Variants in MTBP observed in about 807,000 individuals in gnomAD.
MTBP encodes the protein MDM2 binding protein, also known as mdm2-binding protein.
A neutral mutation model predicts 117.0 loss-of-function variants in MTBP; 101 were observed. The ratio of observed to expected loss-of-function variants is 0.86; its 90% CI spans 0.73 to 1.02. The LOEUF is 1.02. MTBP is among the 50% of genes least tolerant of loss of function. The pLI is 0.00. For missense variants in MTBP, 970 were observed against 1,030.9 expected (o/e 0.94, Z 0.81); for synonymous variants, 350 against 351.5 (o/e 1.00, Z 0.05).
At chr8:120,476,228 A>G (rs1220846225) in intron 11 of MTBP, among the ~76,000 whole-genome samples, 2 of 152,104 alleles carry the variant, frequency 1.3e-5, no homozygotes, top group Non-Finnish European at 2.9e-5. Context: ...AAAACTCTCA[A>G]TAAGCTAGGT....
chr8:120,475,723 T>C (rs1813919348), intron 11 of MTBP, among the ~76,000 whole-genome samples: 2 of 152,026 alleles, frequency 1.3e-5, no homozygotes, highest in East Asian at 1.9e-4. Flanking sequence ...TACAAAAAAA[T>C]GAAATTAAGT....
chr8:120,446,546 C>T (rs1383010175), intron 2 of MTBP, 33 bp downstream of exon 2: 3 of 1,238,594 alleles, frequency 2.4e-6, no homozygotes, highest in Admixed American at 1.7e-5. Context: ...TTCTCTGGCA[C>T]AGCATTTGTA....
chr8:120,509,377 G>A (rs370584261), intron 16 of MTBP, among the ~76,000 whole-genome samples: 46 of 152,208 alleles, frequency 3.0e-4, no homozygotes, highest in African/African-American at 1.0e-3. Context: ...TGAGGCCGGC[G>A]GATCACTTGA....
At chr8:120,461,283 A>C (rs2130529714) in intron 9 of MTBP, 28 bp downstream of exon 9, 1 of 1,446,814 alleles carries the variant, frequency 6.9e-7, no homozygotes, top group East Asian at 2.3e-5. Context: ...TGTTCATTTT[A>C]GATTACATTT....
rs576918486 is a variant in MTBP at position 120,490,376 on chromosome 8, T to A, written c.1340-87T>A. The A allele has an allele frequency of 2.3e-4, 178 of 759,738 alleles. 1 individual carries two copies. In the South Asian group the frequency reaches 2.9e-3, roughly 12 times the overall value. 47.1% of individuals were successfully genotyped at this position (759,738 alleles called of 1,614,324 possible). A position where few individuals can be genotyped will look rare whatever the true frequency, so the allele number is the denominator to read the frequency against. ...TGACTTTTATTTTTTGTTAAATCCT[T>A]GCTATAACACATTTCCCAGGAACTG... is the stretch of plus-strand genomic sequence containing the variant. On this transcript the variant is annotated intron_variant, in intron 12 of 21. Coordinates refer to ENST00000305949, the MANE Select transcript of MTBP (RefSeq NM_022045.5).
At chr8:120,471,182 A>G in intron 11 of MTBP, 1 of 326,562 alleles carries the variant, frequency 3.1e-6, no homozygotes, top group Non-Finnish European at 5.5e-6. Flanking sequence ...TAGATAGCTA[A>G]TTATACTGAA....
intron 10 of MTBP, among the ~76,000 whole-genome samples, chr8:120,465,786 A>G (rs1195313786): frequency 2.0e-5 from 3 of 149,996 alleles, no homozygotes; most frequent in African/African-American, 7.3e-5. Flanking sequence ...CAGCCTCCCA[A>G]GTAGCTGGGA....
At chr8:120,487,757 A>C (rs1219989396) in intron 11 of MTBP, among the ~76,000 whole-genome samples, 1 of 152,252 alleles carries the variant, frequency 6.6e-6, no homozygotes, top group Non-Finnish European at 1.5e-5. Flanking sequence ...CAAGAAGCGA[A>C]AAGCTTCCCA....
chr8:120,516,847 A>G (rs746729501), intron 18 of MTBP, among the ~76,000 whole-genome samples: 25 of 152,044 alleles, frequency 1.6e-4, no homozygotes, highest in Admixed American at 6.6e-5. Flanking sequence ...TGCAAAAAGT[A>G]TGAACTATAT....
chr8:120,447,924 C>T (rs920357337), intron 2 of MTBP, among the ~76,000 whole-genome samples: 6 of 113,870 alleles, frequency 5.3e-5, no homozygotes, highest in South Asian at 6.1e-4. Flanking sequence ...TTTTATTCTT[C>T]GATTTTTTTT....
At chr8:120,460,824 A>G (rs1253001804) in intron 8 of MTBP, among the ~76,000 whole-genome samples, 1 of 152,078 alleles carries the variant, frequency 6.6e-6, no homozygotes, top group Non-Finnish European at 1.5e-5. Flanking sequence ...TTTCTTCAAC[A>G]CTATAGCCTA....
Position 120,510,019 on chromosome 8 carries a change from CA to C in MTBP, c.1970del (p.His657LeufsTer46), listed in dbSNP as rs1814767570. The C allele has an allele frequency of 1.2e-6, 2 of 1,607,558 alleles. No individual in the cohort carries two copies. Among genetic ancestry groups the C allele is most frequent in the Non-Finnish European group, 1.7e-6 (2 of 1,175,340 alleles). On this transcript the variant is annotated frameshift_variant, in exon 17 of 22. Transcript: ENST00000305949. LOFTEE classifies it high-confidence loss of function. ...PFEKASVCHYHGIEYCLDDRK... is the reference protein window; with the variant it reads ...PFEKASVCHYXGIEYCLDDRK... ...TGAGAAAGCCTCAGTATGTCATTAT[CA>C]TGGAATTGAGTAAGTTTTTATTTGT...
At chr8:120,460,524 C>T (rs1459308623) in intron 8 of MTBP, among the ~76,000 whole-genome samples, 7 of 152,074 alleles carry the variant, frequency 4.6e-5, no homozygotes, top group Non-Finnish European at 5.9e-5. Flanking sequence ...TGTGAAGCAC[C>T]GTGGCTCCAA....
At chr8:120,484,905 G>A (rs4300045) in intron 11 of MTBP, among the ~76,000 whole-genome samples, 81,532 of 152,016 alleles carry the variant, frequency 0.54, 24,834 homozygotes, top group Non-Finnish European at 0.67. Flanking sequence ...TAATCATATA[G>A]TATCTAGTTT....
At chr8:120,492,901 G>A (rs1031946364) in intron 13 of MTBP, among the ~76,000 whole-genome samples, 71 of 152,050 alleles carry the variant, frequency 4.7e-4, no homozygotes, top group African/African-American at 1.6e-3. Flanking sequence ...ATGACTTTTT[G>A]TATTTGGAAA....
At chr8:120,455,645 C>A in intron 6 of MTBP, 66 bp downstream of exon 6, 1 of 1,454,528 alleles carries the variant, frequency 6.9e-7, no homozygotes, top group Non-Finnish European at 9.4e-7. Context: ...ACATACTATT[C>A]TCTTTTCAGA....
chr8:120,497,342 A>G, intron 13 of MTBP, 51 bp from the exon 14 acceptor site: 2 of 1,468,524 alleles, frequency 1.4e-6, no homozygotes, highest in East Asian at 2.5e-5. Context: ...AGACTAGTAG[A>G]TGAGCTCCAG....
intron 5 of MTBP, 51 bp from the exon 6 acceptor site, chr8:120,455,384 T>G (rs1813446328): frequency 1.7e-6 from 2 of 1,208,608 alleles, no homozygotes; most frequent in South Asian, 2.9e-5. Flanking sequence ...TTTTGAGACA[T>G]TTCAGATCTA....
Position 120,523,289 on chromosome 8 carries a change from T to G in MTBP, c.2677-9T>G, listed in dbSNP as rs1455309058. On this transcript the variant is annotated splice_polypyrimidine_tract_variant and intron_variant, in intron 21 of 21. Coordinates refer to ENST00000305949, the MANE Select transcript of MTBP (RefSeq NM_022045.5). ...AAATCTTCTGTAATCATATTTTTTC[T>G]CCCCCTAGGTGATTGACTGGGTATT... 6.5e-7 allele frequency: 1 copy of G among 1,528,168 alleles called. No individual in the cohort carries two copies. The highest frequency in any genetic ancestry group is 8.9e-7 in the Non-Finnish European group (1 of 1,125,732). The allele number at this position is 1,528,168 out of a possible 1,614,324, so 94.7% of individuals were successfully genotyped here. A position where few individuals can be genotyped will look rare whatever the true frequency, so the allele number is the denominator to read the frequency against.
Sources: allele counts gnomAD v4.1 joint callset (sites outside exome capture counted in the v4.1 genomes callset), GRCh38; gene constraint gnomAD v4.1.1; transcripts MANE v1.5; gene names NCBI Gene and HGNC (gene_info 2026-07-23, HGNC 2026-07-21).